SDK2: variants seen among roughly 807,000 people sequenced by gnomAD.
SDK2 encodes sidekick cell adhesion molecule 2, also known as protein sidekick-2.
A neutral mutation model predicts 253.9 loss-of-function variants in SDK2; 105 were observed. That is an observed-to-expected ratio of 0.41 (90% CI 0.35 to 0.49). The LOEUF (loss-of-function observed/expected upper bound fraction) is 0.49, where lower values mean the gene tolerates loss of function less well. Among genes scored for constraint, SDK2 ranks in the 20% least tolerant of loss-of-function variants. The pLI, the probability that SDK2 is intolerant of heterozygous loss-of-function variation, is 0.06. For missense variants in SDK2, 2,608 were observed against 3,003.0 expected (o/e 0.87, Z 3.07); for synonymous variants, 1,249 against 1,234.9 (o/e 1.01, Z -0.24).
rs141274140 is a variant in SDK2 at position 73,416,956 on chromosome 17, G to A, written c.2187-964C>T. Among the ~76,000 whole-genome samples the A allele has an allele frequency of 4.6e-3, 703 of 152,222 alleles. 6 individuals are homozygous for A. Among genetic ancestry groups the A allele is most frequent in the African/African-American group, 0.016 (667 of 41,528 alleles). The stretch of plus-strand genomic sequence containing the variant: ...GATTTGTGACAATTTGAAAAAACTC[G>A]CAGATGAATCACATGGCCTAGAAAC... On this transcript the variant is annotated intron_variant, in intron 16 of 44. Transcript: ENST00000392650.
chr17:73,605,748 G>A (rs564921519), intron 1 of SDK2, among the ~76,000 whole-genome samples: 2 of 152,184 alleles, frequency 1.3e-5, no homozygotes, highest in East Asian at 3.9e-4. Flanking sequence ...CACTAACTAT[G>A]AGCATGTGCC....
intron 32 of SDK2, 94 bp downstream of exon 32, chr17:73,385,753 C>T (rs2062866546): frequency 1.7e-6 from 2 of 1,176,626 alleles, no homozygotes; most frequent in South Asian, 1.3e-5. Context: ...AACTTGGGGG[C>T]TCCACGCAGC....
At position 73,643,164 on chromosome 17, in the gene SDK2, AC is replaced by A. The variant is rs1423788783; in HGVS notation, c.64+860del. On this transcript the variant is annotated intron_variant, in intron 1 of 44. Transcript: ENST00000392650. The surrounding 1 kb of genome is among the most constrained non-coding windows in gnomAD (Gnocchi z 6.9). The stretch of plus-strand genomic sequence containing the variant: ...GGACCAGGGGGACGTCTGGGCATCC[AC>A]CCTCAGGAAGCGGGCAGCGCAGATC... 5 of 152,312 alleles carry A rather than the reference AC, an allele frequency of 3.3e-5. No individual in the cohort carries two copies. The highest frequency in any genetic ancestry group is 7.2e-5 in the African/African-American group (3 of 41,508). 9.4% of individuals were successfully genotyped at this position (152,312 alleles called of 1,614,324 possible).
intron 29 of SDK2, among the ~76,000 whole-genome samples, chr17:73,389,146 A>G (rs1448967148): frequency 6.8e-6 from 1 of 148,078 alleles, no homozygotes; most frequent in East Asian, 2.0e-4. Context: ...GGCTGGGACT[A>G]CAGATGTACA....
Position 73,483,639 on chromosome 17 carries a change from A to ATGTGTGTGTG in SDK2, c.225-11422_225-11421insCACACACACA, listed in dbSNP as rs1188169326. On this transcript the variant is annotated intron_variant, in intron 2 of 44. Transcript: ENST00000392650. ...TGTATATATATGTATATGTATATAT[A>ATGTGTGTGTG]TATGTGTGTGTGTGTGTGTGTGTAT... is the stretch of plus-strand genomic sequence containing the variant. Among the ~76,000 whole-genome samples the ATGTGTGTGTG allele has an allele frequency of 1.2e-3, 56 of 48,226 alleles. 3 individuals are homozygous for ATGTGTGTGTG. The highest frequency in any genetic ancestry group is 3.0e-3 in the African/African-American group (40 of 13,180). The allele number at this position is 48,226 out of a possible 152,430, so 31.6% of individuals were successfully genotyped here. A position where few individuals can be genotyped will look rare whatever the true frequency, so the allele number is the denominator to read the frequency against.
At chr17:73,412,039 T>TATATATACAC (rs2063136105) in intron 18 of SDK2, among the ~76,000 whole-genome samples, 1 of 6,292 alleles carries the variant, frequency 1.6e-4, no homozygotes, top group South Asian at 3.4e-3. Context: ...TATATACGTA[T>TATATATACAC]ATATATGTAT....
intron 44 of SDK2, among the ~76,000 whole-genome samples, chr17:73,344,647 G>T (rs2062467292): frequency 6.6e-6 from 1 of 152,228 alleles, no homozygotes; most frequent in Admixed American, 6.5e-5. Flanking sequence ...ACAGTATGTA[G>T]CTTTGCCTCT....
rs35846421 is a variant in SDK2 at position 73,409,466 on chromosome 17, T to TAA, written c.2484+5176_2484+5177dup. Among the ~76,000 whole-genome samples the TAA allele has an allele frequency of 3.0e-3, 438 of 148,268 alleles. 3 individuals are homozygous for TAA. Among genetic ancestry groups the TAA allele is most frequent in the South Asian group, 0.019 (89 of 4,676 alleles). ...TGGGTGACCGAGCAAGACTCTGTCT[T>TAA]AAAAAAAAAAAATTAGCTGAGCATG... On this transcript the variant is annotated intron_variant, in intron 18 of 44. Transcript: ENST00000392650.
chr17:73,483,495 G>C (rs1270709087), intron 2 of SDK2, among the ~76,000 whole-genome samples: 1 of 107,466 alleles, frequency 9.3e-6, no homozygotes, highest in Non-Finnish European at 1.9e-5. Context: ...GTGTGTGTGT[G>C]TGTGTGTGTG....
At chr17:73,508,509 T>C (rs538271218) in intron 1 of SDK2, among the ~76,000 whole-genome samples, 1 of 152,244 alleles carries the variant, frequency 6.6e-6, no homozygotes, top group Non-Finnish European at 1.5e-5. Context: ...ACCTGCCTTT[T>C]TGTGGATAGG....
chr17:73,338,814 G>A lies in SDK2; in HGVS notation c.6292C>T (p.Gln2098Ter). The A allele has an allele frequency of 6.2e-7, 1 of 1,614,006 alleles. No individual in the cohort carries two copies. The highest frequency in any genetic ancestry group is 1.1e-5 in the South Asian group (1 of 91,080). Residue 2098 changes from glutamine (Q) to a stop codon, truncating the protein, a stop_gained, in exon 45 of 45, where the codon CAG becomes TAG. Transcript: ENST00000392650. LOFTEE classifies it high-confidence loss of function. This position sits in a 1 kb window ranked among gnomAD's most constrained non-coding sequence, Gnocchi z 5.0. ...TCGCTCTCCGTGTAGCTGTAGGCCT[G>A]TGCCCTCGAGATGCCCTTCTGCTGT... is the stretch of plus-strand genomic sequence containing the variant. ...RRQQKGISRA[Q>*]AYSYTESDSG...
intron 39 of SDK2, among the ~76,000 whole-genome samples, chr17:73,359,956 C>G (rs1192658754): frequency 2.0e-5 from 3 of 152,310 alleles, no homozygotes; most frequent in African/African-American, 7.2e-5. Context: ...CTTTCTTTCT[C>G]AGAGTGCCCT....
chr17:73,394,711 T>G (rs1314045255), intron 25 of SDK2, among the ~76,000 whole-genome samples: 1 of 151,930 alleles, frequency 6.6e-6, no homozygotes, highest in African/African-American at 2.4e-5. Flanking sequence ...TGGATGAGAG[T>G]TGCCTGAATG....
intron 1 of SDK2, among the ~76,000 whole-genome samples, chr17:73,524,447 A>G (rs908442083): frequency 6.6e-6 from 1 of 152,110 alleles, no homozygotes; most frequent in African/African-American, 2.4e-5. Context: ...ATGAAGGTGG[A>G]TGGGATGTTT....
Position 73,398,174 on chromosome 17 carries a change from C to T in SDK2, c.3215G>A (p.Arg1072His), listed in dbSNP as rs747725916. 7 of 1,611,988 alleles carry T rather than the reference C, an allele frequency of 4.3e-6. No homozygotes were observed. Among genetic ancestry groups the T allele is most frequent in the South Asian group, 2.2e-5 (2 of 90,824 alleles). The change falls in exon 24 of 45, where the codon CGC (arginine) becomes CAC (histidine). Residue 1072 changes from arginine (R) to histidine (H), a missense_variant. This residue lies in a region of SDK2 where 1,505 missense variants were observed against 1,859.1 expected (regional missense o/e 0.81). Transcript: ENST00000392650. The stretch of plus-strand genomic sequence containing the variant: ...GCTGGTGCCCACGATGTTCACCTGG[C>T]GCATGCGGAAGCTGGGGTTGGGGAG... ...NPFTCYSFRMRQVNIVGTSPP... is the reference protein window; with the variant it reads ...NPFTCYSFRMHQVNIVGTSPP...
At chr17:73,412,162 G>GTA (rs202158962) in intron 18 of SDK2, among the ~76,000 whole-genome samples, 77,992 of 142,302 alleles carry the variant, frequency 0.55, 22,597 homozygotes, top group East Asian at 0.81. Flanking sequence ...ACGTATATAT[G>GTA]TATATACACA....
At chr17:73,446,723 G>A (rs1368759576) in intron 5 of SDK2, among the ~76,000 whole-genome samples, 9 of 152,178 alleles carry the variant, frequency 5.9e-5, no homozygotes, top group Admixed American at 2.6e-4. Flanking sequence ...AGATGTGGAG[G>A]GAGGTGAACA....
intron 2 of SDK2, among the ~76,000 whole-genome samples, chr17:73,480,943 T>G (rs1182303308): frequency 6.6e-6 from 1 of 152,202 alleles, no homozygotes; most frequent in Non-Finnish European, 1.5e-5. Flanking sequence ...TCCTGTGCTG[T>G]AATTCCCCTC....
chr17:73,348,970 G>T (rs2062510307), intron 43 of SDK2, among the ~76,000 whole-genome samples: 1 of 152,214 alleles, frequency 6.6e-6, no homozygotes, highest in Admixed American at 6.5e-5. Context: ...ATGTAGGGGG[G>T]ATGTCACCGT....
Sources: gnomAD v4.1 joint callset for allele counts (sites outside exome capture counted in the v4.1 genomes callset) on GRCh38, gnomAD v4.1.1 for gene constraint, gnomAD v4.1.1 regional missense constraint, Gnocchi (gnomAD v3.1) non-coding constraint, MANE v1.5 for transcripts, NCBI Gene and HGNC (gene_info 2026-07-23, HGNC 2026-07-21) for gene names.